The following LRRC4C variants were observed in gnomAD, a reference collection of about 807,000 sequenced individuals.
The protein encoded by LRRC4C is leucine rich repeat containing 4C, also known as leucine-rich repeat-containing protein 4C.
A neutral mutation model predicts 33.6 loss-of-function variants in LRRC4C; 5 were observed. The ratio of observed to expected loss-of-function variants is 0.15; its 90% confidence interval spans 0.08 to 0.31. The LOEUF (loss-of-function observed/expected upper bound fraction) is 0.31, where lower values mean the gene tolerates loss of function less well. LRRC4C is among the 10% of genes least tolerant of loss of function. LRRC4C has a pLI of 1.00. For missense variants in LRRC4C, 560 were observed against 796.7 expected, an observed-to-expected ratio of 0.70 and a Z score of 3.58; for synonymous variants, 329 against 302.0, an observed-to-expected ratio of 1.09 and a Z score of -0.93.
intron 1 of LRRC4C, among the ~76,000 whole-genome samples, chr11:41,087,452 TCTC>T (rs1041969452): frequency 1.3e-5 from 2 of 152,144 alleles, no homozygotes; most frequent in African/African-American, 4.8e-5. Context: ...ATCTTGTAGT[TCTC>T]CTTCATCATC....
chr11:40,415,169 C>A (rs1190498899), intron 3 of LRRC4C, among the ~76,000 whole-genome samples: 1 of 152,022 alleles, frequency 6.6e-6, no homozygotes, highest in Non-Finnish European at 1.5e-5. Context: ...TGTTAAACAC[C>A]TTTATGCATA....
intron 2 of LRRC4C, among the ~76,000 whole-genome samples, chr11:40,904,381 A>G (rs898992257): frequency 6.6e-6 from 1 of 152,114 alleles, no homozygotes; most frequent in African/African-American, 2.4e-5. Context: ...AAATAAATAA[A>G]TAGCACATCT....
At chr11:41,326,359 C>T (rs1488967776) in intron 1 of LRRC4C, among the ~76,000 whole-genome samples, 1 of 152,026 alleles carries the variant, frequency 6.6e-6, no homozygotes, top group Non-Finnish European at 1.5e-5. Flanking sequence ...TGTCAGCATC[C>T]CTAATTTTGA....
rs181416653 is a variant in LRRC4C at position 40,695,809 on chromosome 11, C to A, written c.-406-47531G>T. 3.3e-3 allele frequency among the ~76,000 whole-genome samples: 508 copies of A among 152,126 alleles called. 3 individuals are homozygous for A. Among genetic ancestry groups the A allele is most frequent in the African/African-American group, 0.012 (486 of 41,500 alleles). On this transcript the variant is annotated intron_variant, in intron 2 of 6. Transcript: ENST00000528697. ...CTTCATTCTTTTACTTACGAGGAGA[C>A]AATGACCTCACTGGGCTCATCTGGA...
intron 3 of LRRC4C, among the ~76,000 whole-genome samples, chr11:40,406,423 A>T (rs185875582): frequency 6.6e-6 from 1 of 152,150 alleles, no homozygotes; most frequent in Admixed American, 6.6e-5. Context: ...TCTTTAGCTA[A>T]ATGATAAATT....
At chr11:40,811,194 A>G (rs907928054) in intron 2 of LRRC4C, among the ~76,000 whole-genome samples, 15 of 151,800 alleles carry the variant, frequency 9.9e-5, no homozygotes, top group Admixed American at 5.3e-4. Context: ...CTTCACACAG[A>G]TCTCACTTCA....
At chr11:40,419,294 C>T (rs6485196) in intron 3 of LRRC4C, among the ~76,000 whole-genome samples, 4 of 151,754 alleles carry the variant, frequency 2.6e-5, no homozygotes, top group Non-Finnish European at 5.9e-5. Context: ...GAGAAAATAA[C>T]GGCTGGAAAT....
rs1954497999 is a variant in LRRC4C, at chr11:40,868,884, G to C, written c.-407+64751C>G. 2.0e-5 allele frequency among the ~76,000 whole-genome samples: 3 copies of C among 152,128 alleles called. No homozygotes were observed. The South Asian group carries it at 6.2e-4, about 32-fold the overall frequency. The stretch of plus-strand genomic sequence containing the variant: ...TGTACTGAATTAAGTAAGTCATACA[G>C]AAGGAAATAACCTTTTGTTATTCTC... On this transcript the variant is annotated intron_variant, in intron 2 of 6. Transcript: ENST00000528697.
chr11:40,353,929 A>T (rs1297051775), intron 3 of LRRC4C, among the ~76,000 whole-genome samples: 1 of 152,122 alleles, frequency 6.6e-6, no homozygotes, highest in Non-Finnish European at 1.5e-5. Flanking sequence ...ATGTCTAGGC[A>T]TTGAAGAGTT....
intron 2 of LRRC4C, among the ~76,000 whole-genome samples, chr11:40,745,724 G>A (rs1026747559): frequency 6.6e-6 from 1 of 151,874 alleles, no homozygotes; most frequent in Non-Finnish European, 1.5e-5. Context: ...TATATAATTT[G>A]GCTAATATTA....
chr11:40,714,512 G>A (rs926648349), intron 2 of LRRC4C, among the ~76,000 whole-genome samples: 8 of 152,150 alleles, frequency 5.3e-5, no homozygotes, highest in Non-Finnish European at 1.0e-4. Context: ...GCAGTTGTTA[G>A]TTACAAAGAA....
intron 6 of LRRC4C, among the ~76,000 whole-genome samples, chr11:40,129,467 C>T (rs905117849): frequency 6.6e-6 from 1 of 151,982 alleles, no homozygotes; most frequent in Non-Finnish European, 1.5e-5. Context: ...CAAACAATGC[C>T]CTCTGCTGTA....
intron 3 of LRRC4C, among the ~76,000 whole-genome samples, chr11:40,330,952 C>T (rs1946334798): frequency 6.6e-6 from 1 of 152,120 alleles, no homozygotes; most frequent in South Asian, 2.1e-4. Context: ...TATCCATTAA[C>T]CAATTTCTGA....
At chr11:40,564,482 T>C (rs967622864) in intron 3 of LRRC4C, among the ~76,000 whole-genome samples, 3 of 152,182 alleles carry the variant, frequency 2.0e-5, no homozygotes, top group African/African-American at 7.2e-5. Context: ...CAGTGGTGGC[T>C]CTTCTATGCA....
At chr11:41,397,733 C>T (rs1953874685) in intron 1 of LRRC4C, among the ~76,000 whole-genome samples, 1 of 151,250 alleles carries the variant, frequency 6.6e-6, no homozygotes, top group African/African-American at 2.4e-5. Context: ...GCAATAATCT[C>T]ATATTTTGTG....
At chr11:40,953,409 G>C (rs979124400) in intron 1 of LRRC4C, among the ~76,000 whole-genome samples, 2 of 151,864 alleles carry the variant, frequency 1.3e-5, no homozygotes, top group South Asian at 4.1e-4. Flanking sequence ...GTCAAGAAAA[G>C]TCTCCCTGAC....
At chr11:41,338,646 T>C (rs1267102000) in intron 1 of LRRC4C, among the ~76,000 whole-genome samples, 1 of 152,126 alleles carries the variant, frequency 6.6e-6, no homozygotes, top group East Asian at 1.9e-4. Context: ...ATGGCGCATG[T>C]ATGCCTATGT....
chr11:40,654,290 A>G (rs537144583), intron 2 of LRRC4C, among the ~76,000 whole-genome samples: 20 of 152,166 alleles, frequency 1.3e-4, no homozygotes, highest in Non-Finnish European at 2.5e-4. Flanking sequence ...TGTGCTGGGA[A>G]AAGCCACAGA....
chr11:40,435,852 A>G (rs1002108566), intron 3 of LRRC4C, among the ~76,000 whole-genome samples: 2 of 152,154 alleles, frequency 1.3e-5, no homozygotes, highest in African/African-American at 4.8e-5. Context: ...GGGAGGATGG[A>G]AAAAACATCC....
Sources: gnomAD v4.1 joint callset for allele counts (sites outside exome capture counted in the v4.1 genomes callset) on GRCh38, gnomAD v4.1.1 for gene constraint, MANE v1.5 for transcripts, NCBI Gene and HGNC (gene_info 2026-07-23, HGNC 2026-07-21) for gene names.